Variants in IQSEC1 observed in about 807,000 individuals in gnomAD.
The protein encoded by IQSEC1 is IQ motif and Sec7 domain ArfGEF 1.
In IQSEC1, 31 loss-of-function variants were observed where a neutral mutation model predicts 91.0. That is an observed-to-expected ratio of 0.34 (90% CI 0.26 to 0.46). The LOEUF is 0.46. IQSEC1 is among the 20% of genes least tolerant of loss of function. The pLI is 1.00. For synonymous variants in IQSEC1, 699 were observed against 662.6 expected, an observed-to-expected ratio of 1.05 and a Z score of -0.84; for missense variants, 1,388 against 1,575.6, an observed-to-expected ratio of 0.88 and a Z score of 2.02.
At chr3:13,153,807 G>T (rs1430891860) in intron 2 of IQSEC1, among the ~76,000 whole-genome samples, 2 of 152,190 alleles carry the variant, frequency 1.3e-5, no homozygotes, top group African/African-American at 2.4e-5. Flanking sequence ...CTTTACAGTG[G>T]GATCTGTGTC....
intron 1 of IQSEC1, among the ~76,000 whole-genome samples, chr3:13,252,846 C>G (rs540323176): frequency 1.1e-4 from 17 of 152,168 alleles, no homozygotes; most frequent in Non-Finnish European, 2.2e-4. Context: ...CATTCTCCTG[C>G]CTCAGCCTCC....
intron 1 of IQSEC1, among the ~76,000 whole-genome samples, chr3:13,016,559 C>A (rs1186481640): frequency 1.3e-5 from 2 of 152,312 alleles, no homozygotes; most frequent in South Asian, 4.1e-4. Flanking sequence ...CTGCTCCTCC[C>A]GCCCTCTCGA....
intron 1 of IQSEC1, among the ~76,000 whole-genome samples, chr3:13,030,414 T>C (rs1025470224): frequency 6.6e-6 from 1 of 152,244 alleles, no homozygotes; most frequent in African/African-American, 2.4e-5. Flanking sequence ...CCCACCTTTA[T>C]GGTGCACTCT....
intron 1 of IQSEC1, among the ~76,000 whole-genome samples, chr3:13,223,605 C>T (rs375710143): frequency 1.3e-5 from 2 of 152,308 alleles, no homozygotes; most frequent in East Asian, 1.9e-4. Context: ...CCCAGGTCCT[C>T]GCGCGCCCAC....
In IQSEC1 at chr3:12,941,618, A is replaced by G; in HGVS notation, c.271T>C (p.Ser91Pro). Residue 91 changes from serine (S) to proline (P), a missense_variant, in exon 2 of 14, where the codon TCA (serine) becomes CCA (proline). Coordinates refer to ENST00000613206, the MANE Select transcript of IQSEC1 (RefSeq NM_001134382.3). ...GAGAGCTCATAGCTCTCGGAGAGTG[A>G]GCGTGAGCGCTTGATGGCCTCCTCC... Reference protein sequence around the residue: ...AEEEAIKRSRSLSESYELSSD... With the variant: ...AEEEAIKRSRPLSESYELSSD... The G allele has an allele frequency of 6.2e-7, 1 of 1,609,708 alleles. No individual in the cohort carries two copies. The highest frequency in any genetic ancestry group is 8.5e-7 in the Non-Finnish European group (1 of 1,178,088).
At chr3:12,962,734 A>G (rs1200440453) in intron 1 of IQSEC1, among the ~76,000 whole-genome samples, 1 of 152,214 alleles carries the variant, frequency 6.6e-6, no homozygotes, top group Non-Finnish European at 1.5e-5. Flanking sequence ...CAAGCATGCT[A>G]CCCTCAAGAG....
Position 13,005,485 on chromosome 3 carries a change from G to A in IQSEC1, c.24-63620C>T, listed in dbSNP as rs142433369. 5.8e-3 allele frequency among the ~76,000 whole-genome samples: 876 copies of A among 152,274 alleles called. 14 individuals carry two copies. The highest frequency in any genetic ancestry group is 0.02 in the African/African-American group (827 of 41,562). On this transcript the variant is annotated intron_variant, in intron 1 of 13. Transcript: ENST00000613206. ...CTGAGTCTCTCAGGAGTCCTGGGCAGTCAGCACGTAGCTGGGTGACCACGG... is the reference window on the plus strand; with the variant it reads ...CTGAGTCTCTCAGGAGTCCTGGGCAATCAGCACGTAGCTGGGTGACCACGG...
At chr3:13,079,980 G>A (rs1705623991) in intron 2 of IQSEC1, among the ~76,000 whole-genome samples, 1 of 152,234 alleles carries the variant, frequency 6.6e-6, no homozygotes, top group South Asian at 2.1e-4. Context: ...ACAGAGTCTT[G>A]AAGGGTGGCC....
At chr3:13,177,527 A>G (rs6801895) in intron 1 of IQSEC1, among the ~76,000 whole-genome samples, 40,716 of 151,932 alleles carry the variant, frequency 0.27, 6,766 homozygotes, top group African/African-American at 0.47. Context: ...TGAGCCAGCC[A>G]GCAGGGCCAC....
At chr3:13,152,567 A>T (rs1379464092) in intron 2 of IQSEC1, among the ~76,000 whole-genome samples, 2 of 152,158 alleles carry the variant, frequency 1.3e-5, no homozygotes, top group African/African-American at 4.8e-5. Flanking sequence ...CAAGTCAAAA[A>T]TCCAAATTTG....
upstream of IQSEC1, among the ~76,000 whole-genome samples, chr3:13,077,489 A>T (rs1034880926): frequency 1.3e-5 from 2 of 152,090 alleles, no homozygotes; most frequent in Non-Finnish European, 2.9e-5. Context: ...TTTTTCTGCA[A>T]CTCTTTCCCC....
intron 1 of IQSEC1, among the ~76,000 whole-genome samples, chr3:13,172,643 C>T (rs1474058428): frequency 2.6e-5 from 4 of 152,242 alleles, no homozygotes; most frequent in African/African-American, 9.6e-5. Flanking sequence ...GTATCAATCA[C>T]TGCATTCCTT....
chr3:13,028,652 C>T (rs1484485759), intron 1 of IQSEC1, among the ~76,000 whole-genome samples: 1 of 152,216 alleles, frequency 6.6e-6, no homozygotes, highest in Non-Finnish European at 1.5e-5. Context: ...GACAGCCAGT[C>T]CCCATGGGTT....
chr3:13,087,653 C>T (rs1370589779), intron 2 of IQSEC1, among the ~76,000 whole-genome samples: 1 of 152,166 alleles, frequency 6.6e-6, no homozygotes, highest in African/African-American at 2.4e-5. Context: ...AAACGGAAAA[C>T]CAGGATCACT....
At chr3:13,007,844 C>A (rs887868701) in intron 1 of IQSEC1, among the ~76,000 whole-genome samples, 1 of 152,080 alleles carries the variant, frequency 6.6e-6, no homozygotes, top group Non-Finnish European at 1.5e-5. Flanking sequence ...TCTCTGGGGC[C>A]CCACCCGTAC....
intron 1 of IQSEC1, among the ~76,000 whole-genome samples, chr3:13,210,493 T>A (rs1694424039): frequency 6.6e-6 from 1 of 151,950 alleles, no homozygotes; most frequent in African/African-American, 2.4e-5. Context: ...CACCCGCCCC[T>A]CCCCTGGGAT....
intron 1 of IQSEC1, among the ~76,000 whole-genome samples, chr3:13,244,147 T>C (rs1040572999): frequency 3.3e-5 from 5 of 152,222 alleles, no homozygotes; most frequent in African/African-American, 1.2e-4. Context: ...TGCTGTTGCT[T>C]TCTTTAAAAA....
At chr3:12,947,509 G>A (rs1030255687) in intron 1 of IQSEC1, among the ~76,000 whole-genome samples, 2 of 151,406 alleles carry the variant, frequency 1.3e-5, no homozygotes, top group East Asian at 3.9e-4. Context: ...CAGTCCATCT[G>A]CACCATGGAG....
chr3:13,252,134 T>G (rs1231912584), intron 1 of IQSEC1, among the ~76,000 whole-genome samples: 1 of 152,190 alleles, frequency 6.6e-6, no homozygotes, highest in East Asian at 1.9e-4. Context: ...ATCACTACCA[T>G]CCATCTCCAG....
Sources: gnomAD v4.1 joint callset for allele counts (sites outside exome capture counted in the v4.1 genomes callset) on GRCh38, gnomAD v4.1.1 for gene constraint, MANE v1.5 for transcripts, NCBI Gene and HGNC (gene_info 2026-07-23, HGNC 2026-07-21) for gene names.